Variants in MAST4 observed in about 807,000 individuals in gnomAD.
MAST4 encodes microtubule associated serine/threonine kinase family member 4.
Under a neutral mutation model 162.7 loss-of-function variants are expected in MAST4, and 89 were observed. That is an observed-to-expected ratio of 0.55 (90% CI 0.46 to 0.65). The LOEUF is 0.65. Among genes scored for constraint, MAST4 ranks in the 30% least tolerant of loss-of-function variants. The pLI is 0.00. For missense variants in MAST4, 3,153 were observed against 3,374.0 expected (o/e 0.93, Z 1.62); for synonymous variants, 1,479 against 1,361.1 (o/e 1.09, Z -1.91).
At chr5:66,684,968 A>G (rs546014314) in intron 1 of MAST4, among the ~76,000 whole-genome samples, 3 of 152,282 alleles carry the variant, frequency 2.0e-5, no homozygotes, top group African/African-American at 7.2e-5. Context: ...AGTATTTATA[A>G]AAAGAATAGC....
At chr5:66,971,126 G>C (rs1747382151) in intron 4 of MAST4, among the ~76,000 whole-genome samples, 1 of 152,154 alleles carries the variant, frequency 6.6e-6, no homozygotes, top group South Asian at 2.1e-4. Context: ...CCATTTACTG[G>C]CAGGTGGATT....
chr5:67,078,467 T>C (rs1761949208), intron 5 of MAST4, among the ~76,000 whole-genome samples: 1 of 151,202 alleles, frequency 6.6e-6, no homozygotes, highest in African/African-American at 2.4e-5. Context: ...TCACTCATAA[T>C]CATCTGAAGA....
intron 1 of MAST4, among the ~76,000 whole-genome samples, chr5:66,670,255 T>C (rs1247663218): frequency 6.6e-6 from 1 of 152,166 alleles, no homozygotes; most frequent in Non-Finnish European, 1.5e-5. Flanking sequence ...ATTTTTGGAT[T>C]AGTCATAGCT....
intron 1 of MAST4, among the ~76,000 whole-genome samples, chr5:66,621,951 G>A (rs1238520753): frequency 1.3e-5 from 2 of 152,194 alleles, no homozygotes; most frequent in Non-Finnish European, 2.9e-5. Context: ...TGTGAGAGCA[G>A]CCATAGCCAA....
At chr5:66,796,101 C>T (rs1755633381) in intron 3 of MAST4, among the ~76,000 whole-genome samples, 1 of 152,144 alleles carries the variant, frequency 6.6e-6, no homozygotes, top group Non-Finnish European at 1.5e-5. Context: ...CTCACCTGAG[C>T]CCATCCACAG....
rs893759569 is a variant in MAST4 at position 66,967,637 on chromosome 5, C to T, written c.674+67655C>T. Among the ~76,000 whole-genome samples, 4 of 149,282 alleles carry T rather than the reference C, an allele frequency of 2.7e-5. No homozygotes were observed. In the South Asian group the frequency reaches 6.4e-4, roughly 24 times the overall value. On this transcript the variant is annotated intron_variant, in intron 4 of 28. Coordinates refer to ENST00000403625, the MANE Select transcript of MAST4 (RefSeq NM_001164664.2). ...TTCCTGTACTGAGCAGAGGATTAGA[C>T]TACGTTATTCTCAAAAGCCCTTCCA...
At chr5:67,015,762 G>A (rs1179436545) in intron 4 of MAST4, among the ~76,000 whole-genome samples, 2 of 152,160 alleles carry the variant, frequency 1.3e-5, no homozygotes, top group Admixed American at 1.3e-4. Context: ...TCTGAAACAT[G>A]GGAAGTTAAT....
intron 3 of MAST4, among the ~76,000 whole-genome samples, chr5:66,857,241 A>C (rs1011587501): frequency 1.3e-5 from 2 of 152,214 alleles, no homozygotes; most frequent in Non-Finnish European, 2.9e-5. Flanking sequence ...CATTCATTTT[A>C]AGTGCTGGTT....
rs571893902 is a variant in MAST4, at chr5:66,845,669, G to A, written c.643-54282G>A. 2.0e-5 allele frequency among the ~76,000 whole-genome samples: 3 copies of A among 152,086 alleles called. No homozygotes were observed. In the East Asian group the frequency reaches 5.8e-4, roughly 29 times the overall value. On this transcript the variant is annotated intron_variant, in intron 3 of 28. Coordinates refer to ENST00000403625, the MANE Select transcript of MAST4 (RefSeq NM_001164664.2). ...GGGTCAAATTGTATTTCTAGTTCTC[G>A]ATCCTTGAGGGATCGCCACACTGTC...
At chr5:66,627,159 G>A (rs936829898) in intron 1 of MAST4, among the ~76,000 whole-genome samples, 1 of 152,124 alleles carries the variant, frequency 6.6e-6, no homozygotes. Flanking sequence ...AAGCAAACAT[G>A]TCCTTCTTCA....
intron 4 of MAST4, among the ~76,000 whole-genome samples, chr5:66,924,742 T>C (rs1764775217): frequency 6.6e-6 from 1 of 152,140 alleles, no homozygotes; most frequent in African/African-American, 2.4e-5. Flanking sequence ...AGGTGGTCAT[T>C]TTAGAAAAAC....
chr5:67,042,373 C>T (rs1049894665), intron 4 of MAST4, among the ~76,000 whole-genome samples: 2 of 152,224 alleles, frequency 1.3e-5, no homozygotes, highest in South Asian at 2.1e-4. Context: ...ATTCCCCAGT[C>T]CTCCTGTCTT....
intron 2 of MAST4, among the ~76,000 whole-genome samples, chr5:66,772,000 T>C (rs1315577039): frequency 6.6e-6 from 1 of 152,206 alleles, no homozygotes; most frequent in African/African-American, 2.4e-5. Context: ...CAGTTCCTTA[T>C]ATGTGTAGCC....
intron 10 of MAST4, among the ~76,000 whole-genome samples, chr5:67,106,913 T>G (rs1277255951): frequency 6.6e-6 from 1 of 152,180 alleles, no homozygotes; most frequent in African/African-American, 2.4e-5. Flanking sequence ...TAGATACAAC[T>G]GCATGCCAAA....
At chr5:66,847,457 A>G (rs1224284456) in intron 3 of MAST4, among the ~76,000 whole-genome samples, 1 of 152,122 alleles carries the variant, frequency 6.6e-6, no homozygotes, top group African/African-American at 2.4e-5. Context: ...ACATGGCAAA[A>G]CCCCATCTCT....
At chr5:66,656,293 C>G (rs1172190320) in intron 1 of MAST4, among the ~76,000 whole-genome samples, 1 of 152,200 alleles carries the variant, frequency 6.6e-6, no homozygotes, top group Non-Finnish European at 1.5e-5. Context: ...TAAATGTTGT[C>G]TCCACATTAT....
chr5:66,928,847 C>T lies in MAST4; in HGVS notation c.674+28865C>T, dbSNP rs150084300. The stretch of plus-strand genomic sequence containing the variant: ...TCTTCTGTGCTAGAAGGCCATTGCC[C>T]GCTCAGTAGTGGTGTCTCCTTGGTG... On this transcript the variant is annotated intron_variant, in intron 4 of 28. Transcript: ENST00000403625. 1.1e-4 allele frequency among the ~76,000 whole-genome samples: 16 copies of T among 152,252 alleles called. No homozygotes were observed. In the East Asian group the frequency reaches 1.7e-3, roughly 17 times the overall value.
chr5:67,034,534 T>C (rs1581272753), intron 4 of MAST4, among the ~76,000 whole-genome samples: 2 of 152,260 alleles, frequency 1.3e-5, no homozygotes, highest in South Asian at 4.1e-4. Context: ...CTTCCTGAAA[T>C]GTCAGACACT....
At chr5:67,046,338 G>A (rs1757368889) in intron 4 of MAST4, among the ~76,000 whole-genome samples, 2 of 152,244 alleles carry the variant, frequency 1.3e-5, no homozygotes, top group South Asian at 4.1e-4. Context: ...GCAATGCATA[G>A]TGTATTCTGT....
Sources: gnomAD v4.1 joint callset for allele counts (sites outside exome capture counted in the v4.1 genomes callset) on GRCh38, gnomAD v4.1.1 for gene constraint, MANE v1.5 for transcripts, NCBI Gene and HGNC (gene_info 2026-07-23, HGNC 2026-07-21) for gene names.